Variants in SLC39A9 observed in about 807,000 individuals in gnomAD.
SLC39A9 encodes solute carrier family 39 member 9, also known as zinc transporter ZIP9.
SLC39A9 carries 14 observed loss-of-function variants against 28.4 expected under a neutral mutation model. The observed-to-expected ratio is 0.49, with a 90% CI of 0.33 to 0.77. The LOEUF (loss-of-function observed/expected upper bound fraction) is 0.77. SLC39A9 is among the 30% of genes least tolerant of loss of function. SLC39A9 has a pLI of 0.02. For missense variants in SLC39A9, 283 were observed against 381.1 expected, an observed-to-expected ratio of 0.74 and a Z score of 2.14; for synonymous variants, 119 against 149.6, an observed-to-expected ratio of 0.80 and a Z score of 1.49.
In SLC39A9 at chr14:69,461,270, G is replaced by A; in HGVS notation, c.*2677G>A. On this transcript the variant is annotated 3_prime_UTR_variant, in exon 7 of 7. Coordinates refer to ENST00000336643, the MANE Select transcript of SLC39A9 (RefSeq NM_018375.5). ...GATAGACTTTCTTCAGATTCCAAGTGCTCTCTTAAATGGCAAATTAAGTTA... is the reference window on the plus strand; with the variant it reads ...GATAGACTTTCTTCAGATTCCAAGTACTCTCTTAAATGGCAAATTAAGTTA... The A allele has an allele frequency of 1.0e-6, 1 of 991,990 alleles. No homozygotes were observed. The highest frequency in any genetic ancestry group is 1.7e-5 in the African/African-American group (1 of 57,536). 61.4% of individuals were successfully genotyped at this position (991,990 alleles called of 1,614,324 possible). A position where few individuals can be genotyped will look rare whatever the true frequency, so the allele number is the denominator to read the frequency against.
Position 69,454,808 on chromosome 14 carries a change from A to T in SLC39A9, c.473-4A>T. On this transcript the variant is annotated splice_polypyrimidine_tract_variant and splice_region_variant and intron_variant, in intron 4 of 6. Coordinates refer to ENST00000336643, the MANE Select transcript of SLC39A9 (RefSeq NM_018375.5). The stretch of plus-strand genomic sequence containing the variant: ...ATTTTATGTTTCCTTGTTTCCAAAT[A>T]TAGCTGATGGTGTTGCTTTGGGAGC... 1 of 1,612,764 alleles carries T rather than the reference A, an allele frequency of 6.2e-7. No homozygotes were observed.
intron 1 of SLC39A9, among the ~76,000 whole-genome samples, chr14:69,400,922 G>A (rs1882596721): frequency 6.6e-6 from 1 of 151,382 alleles, no homozygotes; most frequent in Non-Finnish European, 1.5e-5. Flanking sequence ...AAGAGGATAA[G>A]GTAGGAGGAT....
At chr14:69,429,200 G>T (rs1298136965) in intron 2 of SLC39A9, 2 of 152,142 alleles carry the variant, frequency 1.3e-5, no homozygotes, top group African/African-American at 4.8e-5. Context: ...TAAATAGCTG[G>T]TATCATCATT....
In SLC39A9 at chr14:69,454,793, T is replaced by G; in HGVS notation, c.473-19T>G. On this transcript the variant is annotated intron_variant, in intron 4 of 6. Transcript: ENST00000336643. ...GTTGTTGTTTATAGTATTTTATGTT[T>G]CCTTGTTTCCAAATATAGCTGATGG... 1 of 1,605,238 alleles carries G rather than the reference T, an allele frequency of 6.2e-7. No individual in the cohort carries two copies. The highest frequency in any genetic ancestry group is 8.5e-7 in the Non-Finnish European group (1 of 1,171,974).
In SLC39A9 at chr14:69,459,721, A is replaced by G. The variant is rs1886035391; in HGVS notation, c.*1128A>G. The G allele has an allele frequency of 1.0e-6, 1 of 984,948 alleles. No individual in the cohort carries two copies. The highest frequency in any genetic ancestry group is 1.7e-5 in the African/African-American group (1 of 57,318). 61.0% of individuals were successfully genotyped at this position (984,948 alleles called of 1,614,324 possible). The stretch of plus-strand genomic sequence containing the variant: ...TATTGATTTAAAGCTTATTGGAATC[A>G]TGTCTCTTGTCTCTTCGTCTTTTCT... On this transcript the variant is annotated 3_prime_UTR_variant, in exon 7 of 7. Coordinates refer to ENST00000336643, the MANE Select transcript of SLC39A9 (RefSeq NM_018375.5).
chr14:69,420,215 T>G (rs1264177911), intron 1 of SLC39A9, among the ~76,000 whole-genome samples: 1 of 152,232 alleles, frequency 6.6e-6, no homozygotes, highest in Non-Finnish European at 1.5e-5. Context: ...TCTCTCAGCA[T>G]TTGCTTGTCT....
chr14:69,411,781 ATTT>A (rs541819902), intron 1 of SLC39A9, among the ~76,000 whole-genome samples: 3 of 138,402 alleles, frequency 2.2e-5, no homozygotes, highest in Admixed American at 7.3e-5. Flanking sequence ...CAGGTAAAGA[ATTT>A]TTTTTTTTTT....
chr14:69,431,223 A>T (rs1884475175), intron 2 of SLC39A9, among the ~76,000 whole-genome samples: 1 of 152,188 alleles, frequency 6.6e-6, no homozygotes, highest in African/African-American at 2.4e-5. Flanking sequence ...TCATGTTTTT[A>T]GTAATTGTAA....
chr14:69,407,838 G>A (rs537751915), intron 1 of SLC39A9, among the ~76,000 whole-genome samples: 42 of 147,428 alleles, frequency 2.8e-4, no homozygotes, highest in Non-Finnish European at 5.2e-4. Context: ...GGGTTTTTCC[G>A]TGTTGGTCAG....
At chr14:69,404,462 A>G (rs1566905553) in intron 1 of SLC39A9, among the ~76,000 whole-genome samples, 1 of 152,242 alleles carries the variant, frequency 6.6e-6, no homozygotes, top group African/African-American at 2.4e-5. Context: ...GCTTAACACT[A>G]TGTCTAGAAC....
intron 3 of SLC39A9, among the ~76,000 whole-genome samples, chr14:69,447,380 C>T (rs1002364376): frequency 3.3e-5 from 5 of 152,166 alleles, no homozygotes; most frequent in African/African-American, 9.7e-5. Flanking sequence ...ATTTTTACTG[C>T]TTTCAGTAGT....
intron 1 of SLC39A9, among the ~76,000 whole-genome samples, chr14:69,403,804 G>T (rs1882765923): frequency 6.6e-6 from 1 of 152,188 alleles, no homozygotes; most frequent in South Asian, 2.1e-4. Flanking sequence ...AGCACTTTGG[G>T]AGGCCGAGGC....
intron 1 of SLC39A9, among the ~76,000 whole-genome samples, chr14:69,420,376 C>G (rs894504819): frequency 1.3e-5 from 2 of 152,212 alleles, no homozygotes; most frequent in East Asian, 3.8e-4. Context: ...CGCTGTTAGT[C>G]TGATGGGCTT....
At chr14:69,441,521 G>C (rs1375749552) in intron 2 of SLC39A9, among the ~76,000 whole-genome samples, 2 of 152,088 alleles carry the variant, frequency 1.3e-5, no homozygotes, top group Non-Finnish European at 2.9e-5. Flanking sequence ...TGAAGGATGT[G>C]CCTCTTAAAC....
rs778757344 is a variant in SLC39A9, at chr14:69,461,245, G to T, written c.*2652G>T. 18 of 989,392 alleles carry T rather than the reference G, an allele frequency of 1.8e-5. No individual in the cohort carries two copies. Among genetic ancestry groups the T allele is most frequent in the Non-Finnish European group, 2.2e-5 (18 of 832,598 alleles). 61.3% of individuals were successfully genotyped at this position (989,392 alleles called of 1,614,324 possible). On this transcript the variant is annotated 3_prime_UTR_variant, in exon 7 of 7. Coordinates refer to ENST00000336643, the MANE Select transcript of SLC39A9 (RefSeq NM_018375.5). ...AATTTGACTCCGTTTCCTTGGTAGG[G>T]ATAGACTTTCTTCAGATTCCAAGTG...
chr14:69,458,714 A>G lies in SLC39A9; in HGVS notation c.*121A>G. ...CTTGCGCATCTCTACATGTATTCCT[A>G]GAGTCCAGAGGGGAGGTGAGGTTAA... On this transcript the variant is annotated 3_prime_UTR_variant, in exon 7 of 7. Transcript: ENST00000336643. 3 of 1,432,220 alleles carry G rather than the reference A, an allele frequency of 2.1e-6. No homozygotes were observed. Among genetic ancestry groups the G allele is most frequent in the Non-Finnish European group, 2.7e-6 (3 of 1,094,596 alleles). 88.7% of individuals were successfully genotyped at this position (1,432,220 alleles called of 1,614,324 possible).
At chr14:69,454,784 T>G in intron 4 of SLC39A9, 28 bp from the exon 5 acceptor site, 1 of 1,590,586 alleles carries the variant, frequency 6.3e-7, no homozygotes, top group Non-Finnish European at 8.6e-7. Flanking sequence ...GTTTATAGTA[T>G]TTTATGTTTC....
At chr14:69,447,295 A>G (rs1473269637) in intron 3 of SLC39A9, among the ~76,000 whole-genome samples, 3 of 152,230 alleles carry the variant, frequency 2.0e-5, no homozygotes, top group Non-Finnish European at 4.4e-5. Flanking sequence ...ACAGAATTCA[A>G]AAAACCAGTG....
intron 3 of SLC39A9, among the ~76,000 whole-genome samples, chr14:69,444,610 A>G (rs1269462037): frequency 6.6e-6 from 1 of 152,160 alleles, no homozygotes; most frequent in Non-Finnish European, 1.5e-5. Context: ...ATCTTACAAA[A>G]CTACATATAT....
Sources: gnomAD v4.1 joint callset for allele counts (sites outside exome capture counted in the v4.1 genomes callset) on GRCh38, gnomAD v4.1.1 for gene constraint, MANE v1.5 for transcripts, NCBI Gene and HGNC (gene_info 2026-07-23, HGNC 2026-07-21) for gene names.